STXBP5L: variants seen among roughly 807,000 people sequenced by gnomAD.
STXBP5L encodes syntaxin-binding protein 5-like.
In STXBP5L, 65 loss-of-function variants were observed where a neutral mutation model predicts 144.5. That is an observed-to-expected ratio of 0.45 (90% confidence interval 0.37 to 0.55). The LOEUF is 0.55. STXBP5L is among the 20% of genes least tolerant of loss of function. STXBP5L has a pLI of 0.00. For missense variants in STXBP5L, 1,298 were observed against 1,405.5 expected (o/e 0.92, Z 1.22); for synonymous variants, 505 against 469.6 (o/e 1.08, Z -0.97).
chr3:120,993,250 T>C (rs1400032814), intron 3 of STXBP5L, among the ~76,000 whole-genome samples: 1 of 152,190 alleles, frequency 6.6e-6, no homozygotes, highest in African/African-American at 2.4e-5. Context: ...TGTTCTCTTA[T>C]TGAACAGGTA....
chr3:121,211,052 C>T (rs1252118923), intron 10 of STXBP5L, among the ~76,000 whole-genome samples: 2 of 152,146 alleles, frequency 1.3e-5, no homozygotes, highest in African/African-American at 2.4e-5. Flanking sequence ...ATTGATTCTT[C>T]CTACCCATGT....
intron 9 of STXBP5L, among the ~76,000 whole-genome samples, chr3:121,181,310 C>T (rs1323443356): frequency 1.3e-5 from 2 of 149,494 alleles, no homozygotes; most frequent in Non-Finnish European, 3.0e-5. Flanking sequence ...GAGTGAAACT[C>T]CATCAAGAAA....
At chr3:121,287,689 C>G (rs570353353) in intron 19 of STXBP5L, among the ~76,000 whole-genome samples, 74 of 152,012 alleles carry the variant, frequency 4.9e-4, no homozygotes, top group African/African-American at 1.6e-3. Flanking sequence ...ATTAGCTGGG[C>G]GTGGTGGCGG....
chr3:121,017,913 T>A (rs1945256224), intron 3 of STXBP5L, among the ~76,000 whole-genome samples: 1 of 151,956 alleles, frequency 6.6e-6, no homozygotes, highest in Non-Finnish European at 1.5e-5. Flanking sequence ...CCCCAGTTTC[T>A]AAACAAAACC....
chr3:121,054,303 G>T (rs1435452255), intron 5 of STXBP5L, among the ~76,000 whole-genome samples: 3 of 152,098 alleles, frequency 2.0e-5, no homozygotes, highest in Non-Finnish European at 4.4e-5. Context: ...AATGTTTATT[G>T]TGGCACTATT....
chr3:121,290,856 A>G (rs2051412883), intron 19 of STXBP5L, among the ~76,000 whole-genome samples: 1 of 152,202 alleles, frequency 6.6e-6, no homozygotes, highest in Admixed American at 6.5e-5. Context: ...TCATCTCTTT[A>G]TGATTAAAAC....
intron 5 of STXBP5L, among the ~76,000 whole-genome samples, chr3:121,089,418 T>C (rs1002687243): frequency 2.6e-5 from 4 of 152,008 alleles, no homozygotes; most frequent in Non-Finnish European, 5.9e-5. Flanking sequence ...TACACCTGAA[T>C]AGCATTCTAC....
chr3:121,070,131 G>A (rs939300593), intron 5 of STXBP5L, among the ~76,000 whole-genome samples: 5 of 152,182 alleles, frequency 3.3e-5, no homozygotes, highest in Admixed American at 6.5e-5. Flanking sequence ...CGGCTCAGCC[G>A]GACATATGTC....
chr3:121,015,445 G>A (rs1196318682), intron 3 of STXBP5L, among the ~76,000 whole-genome samples: 1 of 152,086 alleles, frequency 6.6e-6, no homozygotes, highest in African/African-American at 2.4e-5. Flanking sequence ...AGCAAATCCA[G>A]ATAATCACAG....
intron 19 of STXBP5L, among the ~76,000 whole-genome samples, chr3:121,308,649 T>C (rs1163444093): frequency 6.6e-6 from 1 of 152,140 alleles, no homozygotes; most frequent in Non-Finnish European, 1.5e-5. Context: ...TCTGTTTCAG[T>C]AAACAGATTA....
chr3:121,249,925 T>C (rs1382597423), intron 14 of STXBP5L, among the ~76,000 whole-genome samples: 2 of 152,114 alleles, frequency 1.3e-5, no homozygotes, highest in African/African-American at 4.8e-5. Context: ...TGTCAAATGC[T>C]TTTTCTGCAT....
intron 3 of STXBP5L, among the ~76,000 whole-genome samples, chr3:121,007,805 G>T (rs1944458121): frequency 6.6e-6 from 1 of 151,958 alleles, no homozygotes; most frequent in Admixed American, 6.6e-5. Flanking sequence ...TCAAAAGAAT[G>T]TGGTCAGGAT....
In STXBP5L at chr3:121,311,701, A is replaced by G. The variant is rs1034868805; in HGVS notation, c.2111-6774A>G. Reference sequence around the variant, plus strand: ...CTCAATGAAATAAAAGAAGATACAAACAAATGGAAGAACATTCCATGTTCA... The same window carrying G: ...CTCAATGAAATAAAAGAAGATACAAGCAAATGGAAGAACATTCCATGTTCA... On this transcript the variant is annotated intron_variant, in intron 19 of 26. Coordinates refer to ENST00000471454, the MANE Select transcript of STXBP5L (RefSeq NM_001308330.2). 6.6e-5 allele frequency among the ~76,000 whole-genome samples: 10 copies of G among 152,362 alleles called. No homozygotes were observed. In the East Asian group the frequency reaches 1.9e-3, roughly 29 times the overall value.
In STXBP5L at chr3:121,394,930, A is replaced by G. The variant is rs574154487; in HGVS notation, c.2588-12313A>G. ...TTTAGATTTTTAAAATTCACTGAAG[A>G]AAAATGAAATTCCCTTCAGGTATTA... On this transcript the variant is annotated intron_variant, in intron 22 of 26. Coordinates refer to ENST00000471454, the MANE Select transcript of STXBP5L (RefSeq NM_001308330.2). Among the ~76,000 whole-genome samples, 16 of 152,284 alleles carry G rather than the reference A, an allele frequency of 1.1e-4. 1 individual carries two copies. The South Asian group carries it at 3.3e-3, about 32-fold the overall frequency.
chr3:121,164,912 G>A (rs1356404499), intron 9 of STXBP5L, among the ~76,000 whole-genome samples: 1 of 152,126 alleles, frequency 6.6e-6, no homozygotes, highest in Non-Finnish European at 1.5e-5. Context: ...GGAGATGTAG[G>A]TCAGAGGATA....
At chr3:121,348,608 G>A (rs1287023478) in intron 20 of STXBP5L, among the ~76,000 whole-genome samples, 1 of 152,032 alleles carries the variant, frequency 6.6e-6, no homozygotes, top group Non-Finnish European at 1.5e-5. Context: ...TGGTTGGTAA[G>A]CTATTAATTA....
At chr3:121,317,087 T>C (rs983807271) in intron 19 of STXBP5L, among the ~76,000 whole-genome samples, 1 of 152,206 alleles carries the variant, frequency 6.6e-6, no homozygotes, top group Non-Finnish European at 1.5e-5. Context: ...CATAGTTTAG[T>C]TTGATGAATG....
At chr3:121,115,188 T>G (rs1393974712) in intron 6 of STXBP5L, 129 bp downstream of exon 6, 1 of 889,192 alleles carries the variant, frequency 1.1e-6, no homozygotes, top group East Asian at 3.3e-5. Context: ...AAAAGTTCAG[T>G]AAAATAACTT....
At chr3:121,072,275 C>G (rs1217082156) in intron 5 of STXBP5L, among the ~76,000 whole-genome samples, 1 of 152,178 alleles carries the variant, frequency 6.6e-6, no homozygotes, top group East Asian at 1.9e-4. Flanking sequence ...TGAGGCAGCT[C>G]CATAAAGTCC....
Sources: allele counts gnomAD v4.1 joint callset (sites outside exome capture counted in the v4.1 genomes callset), GRCh38; gene constraint gnomAD v4.1.1; transcripts MANE v1.5; gene names NCBI Gene and HGNC (gene_info 2026-07-23, HGNC 2026-07-21).